The following UBE2H variants were observed in gnomAD, a reference collection of about 807,000 sequenced individuals.
UBE2H encodes the protein ubiquitin conjugating enzyme E2 H.
In UBE2H, 3 loss-of-function variants were observed where a neutral mutation model predicts 29.0. That is an observed-to-expected ratio of 0.10 (90% CI 0.05 to 0.27). The LOEUF is 0.27. UBE2H is among the 10% of genes least tolerant of loss of function. The pLI, the probability that UBE2H is intolerant of heterozygous loss-of-function variation, is 1.00. For missense variants in UBE2H, 68 were observed against 228.2 expected (o/e 0.30, Z 4.52); for synonymous variants, 69 against 82.9 (o/e 0.83, Z 0.91).
At chr7:129,933,285 TAAG>T (rs1807446097) in intron 1 of UBE2H, among the ~76,000 whole-genome samples, 1 of 152,186 alleles carries the variant, frequency 6.6e-6, no homozygotes, top group African/African-American at 2.4e-5. Context: ...CTGAGCAAAC[TAAG>T]AAGTTGACAG....
rs1319363649 is a variant in UBE2H, at chr7:129,831,185, A to G, written c.*3752T>C. 6.6e-6 allele frequency: 1 copy of G among 152,150 alleles called. No homozygotes were observed. Among genetic ancestry groups the G allele is most frequent in the Admixed American group, 6.5e-5 (1 of 15,278 alleles). 9.4% of individuals were successfully genotyped at this position (152,150 alleles called of 1,614,324 possible). The stretch of plus-strand genomic sequence containing the variant: ...TTCACGGGCCAGAGAAAGCACAAAC[A>G]TGGATTCAGAAGTCCAAAGAAATGC... On this transcript the variant is annotated 3_prime_UTR_variant, in exon 7 of 7. Coordinates refer to ENST00000355621, the MANE Select transcript of UBE2H (RefSeq NM_003344.4).
chr7:129,934,945 A>ATG (rs931298994), intron 1 of UBE2H, among the ~76,000 whole-genome samples: 1 of 91,238 alleles, frequency 1.1e-5, no homozygotes, highest in African/African-American at 3.5e-5. Flanking sequence ...ATATATATAT[A>ATG]TGTGTGTGTG....
intron 6 of UBE2H, among the ~76,000 whole-genome samples, chr7:129,835,507 G>A (rs1805306796): frequency 6.6e-6 from 1 of 152,078 alleles, no homozygotes; most frequent in East Asian, 1.9e-4. Context: ...TATTATTTTA[G>A]GAATCGATTT....
chr7:129,925,142 G>A (rs1376143562), intron 1 of UBE2H, among the ~76,000 whole-genome samples: 3 of 152,088 alleles, frequency 2.0e-5, no homozygotes, highest in African/African-American at 4.8e-5. Flanking sequence ...GAGGTCAGGA[G>A]TTCAAGACCA....
chr7:129,867,740 A>AAAAAGAAAAACAAAAAAAAAAAAAAAG (rs768415224), intron 3 of UBE2H, among the ~76,000 whole-genome samples: 3 of 138,296 alleles, frequency 2.2e-5, no homozygotes, highest in Non-Finnish European at 4.7e-5. Context: ...AAAAAAAAAA[A>AAAAAGAAAAACAAAAAAAAAAAAAAAG]AAGAAGACCA....
intron 2 of UBE2H, 148 bp downstream of exon 2, chr7:129,880,747 G>A (rs1275330588): frequency 7.7e-6 from 5 of 652,712 alleles, no homozygotes; most frequent in Non-Finnish European, 1.3e-5. Flanking sequence ...AAGTGATTGT[G>A]ATAAGAGAAA....
intron 1 of UBE2H, among the ~76,000 whole-genome samples, chr7:129,944,724 ACACACACACACAC>A (rs1203991264): frequency 2.0e-5 from 2 of 100,760 alleles, no homozygotes; most frequent in East Asian, 8.0e-4. Flanking sequence ...AAACACACAC[ACACACACACACAC>A]ACACACACAC....
At chr7:129,925,454 C>A (rs1807247244) in intron 1 of UBE2H, among the ~76,000 whole-genome samples, 1 of 152,062 alleles carries the variant, frequency 6.6e-6, no homozygotes, top group African/African-American at 2.4e-5. Flanking sequence ...GGAGCTAGGC[C>A]TATACAATAA....
intron 1 of UBE2H, among the ~76,000 whole-genome samples, chr7:129,892,796 T>C (rs575406659): frequency 1.2e-4 from 18 of 151,976 alleles, no homozygotes; most frequent in Non-Finnish European, 2.2e-4. Context: ...AATGTATCTA[T>C]AGTAGGCTAG....
intron 3 of UBE2H, among the ~76,000 whole-genome samples, chr7:129,859,840 C>T (rs1805767712): frequency 6.6e-6 from 1 of 152,134 alleles, no homozygotes; most frequent in Non-Finnish European, 1.5e-5. Context: ...AGTATCACCA[C>T]CACTATCTCC....
chr7:129,843,696 A>T (rs147511418), intron 5 of UBE2H, among the ~76,000 whole-genome samples: 50 of 152,328 alleles, frequency 3.3e-4, no homozygotes, highest in African/African-American at 1.1e-3. Context: ...GGACGTTCAG[A>T]TGTTTCTGTG....
At chr7:129,889,410 A>G (rs1806428922) in intron 1 of UBE2H, among the ~76,000 whole-genome samples, 2 of 152,360 alleles carry the variant, frequency 1.3e-5, no homozygotes, top group Non-Finnish European at 2.9e-5. Flanking sequence ...TACAATGTCT[A>G]ATTTTCATGA....
At chr7:129,931,836 C>CTTTTTTTTTTTTTT (rs372552075) in intron 1 of UBE2H, among the ~76,000 whole-genome samples, 1 of 131,310 alleles carries the variant, frequency 7.6e-6, no homozygotes, top group Non-Finnish European at 1.6e-5. Flanking sequence ...TTCTACTTTG[C>CTTTTTTTTTTTTTT]TTTTTTTTTT....
chr7:129,878,190 T>C (rs1806184590), intron 3 of UBE2H, among the ~76,000 whole-genome samples: 1 of 152,164 alleles, frequency 6.6e-6, no homozygotes, highest in East Asian at 1.9e-4. Context: ...TTTCTACACC[T>C]ATACAGGTGC....
chr7:129,853,617 G>A (rs1805647620), intron 5 of UBE2H, among the ~76,000 whole-genome samples: 1 of 152,110 alleles, frequency 6.6e-6, no homozygotes, highest in Non-Finnish European at 1.5e-5. Flanking sequence ...AAATTACTGG[G>A]TGAGTAAACC....
rs898182142 is a variant in UBE2H at position 129,952,742 on chromosome 7, G to C, written c.-187C>G. The C allele has an allele frequency of 5.6e-6, 3 of 538,536 alleles. No homozygotes were observed. The African/African-American group carries it at 6.0e-5, about 11-fold the overall frequency. 33.4% of individuals were successfully genotyped at this position (538,536 alleles called of 1,614,324 possible). A position where few individuals can be genotyped will look rare whatever the true frequency, so the allele number is the denominator to read the frequency against. On this transcript the variant is annotated 5_prime_UTR_variant, in exon 1 of 7. Coordinates refer to ENST00000355621, the MANE Select transcript of UBE2H (RefSeq NM_003344.4). ...AACACCGGGCACTGTCCGGCCGGGT[G>C]GGGGTGGGGACCCTGCGGCGCCCGG... is the stretch of plus-strand genomic sequence containing the variant.
intron 1 of UBE2H, among the ~76,000 whole-genome samples, chr7:129,886,549 T>G (rs1025347426): frequency 6.6e-6 from 1 of 152,078 alleles, no homozygotes. Context: ...CTAAATTTAC[T>G]GATAACAAGT....
chr7:129,918,101 T>C (rs1807079878), intron 1 of UBE2H, among the ~76,000 whole-genome samples: 1 of 152,208 alleles, frequency 6.6e-6, no homozygotes, highest in Non-Finnish European at 1.5e-5. Context: ...CTTTCATGTC[T>C]TAAAGCAAGA....
rs71175049 is a variant in UBE2H at position 129,928,025 on chromosome 7, T to TA, written c.53+24477dup. Among the ~76,000 whole-genome samples, 1,280 of 128,494 alleles carry TA rather than the reference T, an allele frequency of 1.0e-2. 20 individuals carry two copies. Among genetic ancestry groups the TA allele is most frequent in the East Asian group, 0.053 (233 of 4,392 alleles). 84.3% of individuals were successfully genotyped at this position (128,494 alleles called of 152,430 possible). A position where few individuals can be genotyped will look rare whatever the true frequency, so the allele number is the denominator to read the frequency against. ...ACATGGCGAAATACCATCTCAAAAT[T>TA]AAAAAAAAAAAAAAAAAAAAAATTT... On this transcript the variant is annotated intron_variant, in intron 1 of 6. Transcript: ENST00000355621.
Sources: gnomAD v4.1 joint callset for allele counts (sites outside exome capture counted in the v4.1 genomes callset) on GRCh38, gnomAD v4.1.1 for gene constraint, MANE v1.5 for transcripts, NCBI Gene and HGNC (gene_info 2026-07-23, HGNC 2026-07-21) for gene names.